MCTP1: variants seen among roughly 807,000 people sequenced by gnomAD.
The protein encoded by MCTP1 is multiple C2 and transmembrane domain containing 1, also known as multiple C2 and transmembrane domain-containing protein 1.
A neutral mutation model predicts 120.6 loss-of-function variants in MCTP1; 69 were observed. The observed-to-expected ratio is 0.57, with a 90% CI of 0.47 to 0.70. The LOEUF (loss-of-function observed/expected upper bound fraction) is 0.70, where lower values mean the gene tolerates loss of function less well. MCTP1 is among the 30% of genes least tolerant of loss of function. MCTP1 has a pLI of 0.00. For missense variants in MCTP1, 1,203 were observed against 1,248.8 expected, an observed-to-expected ratio of 0.96 and a Z score of 0.55; for synonymous variants, 529 against 493.1, an observed-to-expected ratio of 1.07 and a Z score of -0.96.
chr5:95,182,886 C>G (rs537508566), intron 1 of MCTP1, among the ~76,000 whole-genome samples: 131 of 152,000 alleles, frequency 8.6e-4, no homozygotes, highest in African/African-American at 3.1e-3. Context: ...ATTAGCCGGA[C>G]ATGGTGGCGG....
rs144275170 is a variant in MCTP1, at chr5:95,007,353, G to C, written c.838+10014C>G. Among the ~76,000 whole-genome samples the C allele has an allele frequency of 5.2e-3, 790 of 152,232 alleles. 11 individuals are homozygous for C. Among genetic ancestry groups the C allele is most frequent in the African/African-American group, 0.019 (777 of 41,540 alleles). On this transcript the variant is annotated intron_variant, in intron 2 of 22. Coordinates refer to ENST00000515393, the MANE Select transcript of MCTP1 (RefSeq NM_024717.7). Reference sequence around the variant, plus strand: ...ATTCCCAAGGATTGAAAACGAAGAGGAACCTGAATAGCAAACCGTGAGCAC... The same window carrying C: ...ATTCCCAAGGATTGAAAACGAAGAGCAACCTGAATAGCAAACCGTGAGCAC...
intron 2 of MCTP1, among the ~76,000 whole-genome samples, chr5:94,963,191 G>A (rs1046085399): frequency 6.6e-6 from 1 of 151,924 alleles, no homozygotes. Context: ...TCAAACTATA[G>A]CACTATCCAT....
intron 1 of MCTP1, among the ~76,000 whole-genome samples, chr5:95,018,960 T>C (rs1178086421): frequency 6.6e-6 from 1 of 152,084 alleles, no homozygotes; most frequent in Non-Finnish European, 1.5e-5. Flanking sequence ...TTAAAAGTCT[T>C]ATGCAAACAT....
chr5:94,996,641 T>C (rs1832670554), intron 2 of MCTP1, among the ~76,000 whole-genome samples: 1 of 152,192 alleles, frequency 6.6e-6, no homozygotes, highest in South Asian at 2.1e-4. Context: ...TATGGTATAA[T>C]GGCAAGAAAA....
At chr5:95,259,023 T>C (rs1247339985) in intron 1 of MCTP1, among the ~76,000 whole-genome samples, 1 of 152,208 alleles carries the variant, frequency 6.6e-6, no homozygotes, top group Non-Finnish European at 1.5e-5. Flanking sequence ...TCCTCCATTT[T>C]TGTTATTACA....
At chr5:95,138,344 T>C (rs1759617665) in intron 1 of MCTP1, among the ~76,000 whole-genome samples, 2 of 152,034 alleles carry the variant, frequency 1.3e-5, no homozygotes, top group Non-Finnish European at 2.9e-5. Context: ...AGAGAGCTTA[T>C]GAAGATGGCA....
At chr5:94,868,161 A>C in intron 17 of MCTP1, 172 bp downstream of exon 17, 1 of 487,278 alleles carries the variant, frequency 2.1e-6, no homozygotes, top group Non-Finnish European at 3.3e-6. Flanking sequence ...TTAGACTCAG[A>C]CCTTGTACAA....
intron 1 of MCTP1, among the ~76,000 whole-genome samples, chr5:95,037,292 A>G (rs1165128948): frequency 6.6e-6 from 1 of 152,198 alleles, no homozygotes; most frequent in Non-Finnish European, 1.5e-5. Flanking sequence ...GTCATTTAAA[A>G]TGGTTCTTAT....
At chr5:95,091,211 G>C (rs1333271091) in intron 1 of MCTP1, among the ~76,000 whole-genome samples, 14 of 152,060 alleles carry the variant, frequency 9.2e-5, no homozygotes, top group Non-Finnish European at 2.1e-4. Flanking sequence ...TTACTGCTAA[G>C]AGCCAATTGT....
chr5:95,069,983 G>A (rs565392242), intron 1 of MCTP1, among the ~76,000 whole-genome samples: 1 of 152,148 alleles, frequency 6.6e-6, no homozygotes, highest in Admixed American at 6.5e-5. Flanking sequence ...GATTACAAGC[G>A]AGAGCCATCG....
intron 1 of MCTP1, among the ~76,000 whole-genome samples, chr5:95,272,130 G>A (rs1238491348): frequency 6.6e-6 from 1 of 152,156 alleles, no homozygotes; most frequent in Non-Finnish European, 1.5e-5. Flanking sequence ...GTAGGCATGT[G>A]CATAAACCAT....
chr5:95,043,383 C>T (rs1288436485), intron 1 of MCTP1, among the ~76,000 whole-genome samples: 2 of 152,096 alleles, frequency 1.3e-5, no homozygotes, highest in Non-Finnish European at 2.9e-5. Context: ...CCACTAAGAC[C>T]AGGGCTGTCC....
intron 1 of MCTP1, among the ~76,000 whole-genome samples, chr5:95,051,754 A>C (rs2011547): frequency 0.6 from 91,493 of 151,938 alleles, 28,638 homozygotes; most frequent in Non-Finnish European, 0.7. Flanking sequence ...ATGGAGCTGG[A>C]GGCCATTATT....
intron 11 of MCTP1, among the ~76,000 whole-genome samples, chr5:94,892,106 T>C (rs1040788903): frequency 6.6e-6 from 1 of 152,148 alleles, no homozygotes; most frequent in African/African-American, 2.4e-5. Flanking sequence ...CCCCATCCTA[T>C]GGCATCGAGA....
intron 2 of MCTP1, among the ~76,000 whole-genome samples, chr5:94,980,461 C>T (rs1829149732): frequency 6.6e-6 from 1 of 152,016 alleles, no homozygotes; most frequent in African/African-American, 2.4e-5. Flanking sequence ...CAGCACAGCA[C>T]TGGAATTCAA....
intron 2 of MCTP1, among the ~76,000 whole-genome samples, chr5:94,992,988 T>A (rs1292833705): frequency 6.6e-6 from 1 of 152,248 alleles, no homozygotes; most frequent in Non-Finnish European, 1.5e-5. Context: ...ATTATGCTTT[T>A]GGGAAAAGCC....
At chr5:94,995,172 G>A (rs1390493591) in intron 2 of MCTP1, among the ~76,000 whole-genome samples, 1 of 152,136 alleles carries the variant, frequency 6.6e-6, no homozygotes, top group Non-Finnish European at 1.5e-5. Context: ...CTAAGACGGG[G>A]GGCAGTGAGA....
chr5:95,151,829 C>T (rs73140088), intron 1 of MCTP1, among the ~76,000 whole-genome samples: 195 of 152,282 alleles, frequency 1.3e-3, no homozygotes, highest in African/African-American at 4.4e-3. Flanking sequence ...TCCTTTAACT[C>T]GCTGCCTCTG....
rs1244537190 is a variant in MCTP1 at position 94,955,311 on chromosome 5, C to T, written c.839-1950G>A. Among the ~76,000 whole-genome samples, 3 of 152,176 alleles carry T rather than the reference C, an allele frequency of 2.0e-5. No individual in the cohort carries two copies. The South Asian group carries it at 6.2e-4, about 32-fold the overall frequency. ...CCCTTGGGTGCCTATGTCACAAGGC[C>T]TCTGGTTTCAAGCACAAAACTGGGC... On this transcript the variant is annotated intron_variant, in intron 2 of 22. Coordinates refer to ENST00000515393, the MANE Select transcript of MCTP1 (RefSeq NM_024717.7).
Sources: allele counts gnomAD v4.1 joint callset (sites outside exome capture counted in the v4.1 genomes callset), GRCh38; gene constraint gnomAD v4.1.1; transcripts MANE v1.5; gene names NCBI Gene and HGNC (gene_info 2026-07-23, HGNC 2026-07-21).